Variants in SDK1 observed in about 807,000 individuals in gnomAD.
The protein encoded by SDK1 is protein sidekick-1.
Under a neutral mutation model 245.5 loss-of-function variants are expected in SDK1, and 157 were observed. The ratio of observed to expected loss-of-function variants is 0.64; its 90% CI spans 0.56 to 0.73. The LOEUF (loss-of-function observed/expected upper bound fraction) is 0.73, where lower values mean the gene tolerates loss of function less well. SDK1 is among the 30% of genes least tolerant of loss of function. SDK1 has a pLI of 0.00. For synonymous variants in SDK1, 1,647 were observed against 1,278.5 expected (o/e 1.29, Z -6.15); for missense variants, 3,583 against 3,002.3 (o/e 1.19, Z -4.52).
chr7:4,196,065 TG>T (rs1200271941), intron 35 of SDK1, among the ~76,000 whole-genome samples: 1 of 152,208 alleles, frequency 6.6e-6, no homozygotes, highest in Non-Finnish European at 1.5e-5. Flanking sequence ...GGACTTTTAC[TG>T]GAAGTATCGT....
intron 4 of SDK1, among the ~76,000 whole-genome samples, chr7:3,751,370 G>T (rs919039452): frequency 2.7e-5 from 4 of 150,368 alleles, no homozygotes; most frequent in African/African-American, 9.8e-5. Context: ...TTGCTGCTGC[G>T]TCGCCCTCTC....
chr7:3,716,422 C>T (rs1785202885), intron 4 of SDK1, among the ~76,000 whole-genome samples: 1 of 152,096 alleles, frequency 6.6e-6, no homozygotes, highest in Non-Finnish European at 1.5e-5. Flanking sequence ...AATCTGTCAA[C>T]CATGAATTCT....
chr7:3,426,399 G>C (rs886759059), intron 1 of SDK1, among the ~76,000 whole-genome samples: 6 of 152,184 alleles, frequency 3.9e-5, no homozygotes, highest in Non-Finnish European at 7.4e-5. Context: ...GGCTGGCCTT[G>C]TTCTAGCAGC....
At chr7:3,853,275 T>C (rs1780463153) in intron 5 of SDK1, among the ~76,000 whole-genome samples, 1 of 152,172 alleles carries the variant, frequency 6.6e-6, no homozygotes, top group African/African-American at 2.4e-5. Context: ...TAGTCCTAAG[T>C]GGATTCTGGA....
At position 3,633,165 on chromosome 7, in the gene SDK1, A is replaced by T. The variant is rs140295097; in HGVS notation, c.459-5839A>T. 3.5e-3 allele frequency among the ~76,000 whole-genome samples: 532 copies of T among 152,304 alleles called. 1 individual carries two copies. Among genetic ancestry groups the T allele is most frequent in the African/African-American group, 0.012 (502 of 41,570 alleles). ...TTGGTTGCTTATTTTCATGGAAAAT[A>T]GATATTTTCATACCAGCATAAAAAT... On this transcript the variant is annotated intron_variant, in intron 2 of 44. Coordinates refer to ENST00000404826, the MANE Select transcript of SDK1 (RefSeq NM_152744.4).
chr7:3,538,921 C>G (rs192477863), intron 1 of SDK1, among the ~76,000 whole-genome samples: 1 of 152,358 alleles, frequency 6.6e-6, no homozygotes, highest in Admixed American at 6.5e-5. Context: ...CAGACGGAAT[C>G]TTCTTGAAAG....
intron 1 of SDK1, among the ~76,000 whole-genome samples, chr7:3,414,743 T>A (rs1779314065): frequency 6.6e-6 from 1 of 152,204 alleles, no homozygotes; most frequent in Non-Finnish European, 1.5e-5. Flanking sequence ...CAATTCCTCC[T>A]ACTCCTCCAT....
chr7:3,890,317 G>A (rs1781430476), intron 5 of SDK1, among the ~76,000 whole-genome samples: 1 of 152,218 alleles, frequency 6.6e-6, no homozygotes, highest in Non-Finnish European at 1.5e-5. Context: ...CGTGCTATGT[G>A]TGAAATACAC....
chr7:4,077,167 C>G lies in SDK1; in HGVS notation c.3180C>G (p.Thr1060=), dbSNP rs371164504. The G allele has an allele frequency of 1.2e-6, 2 of 1,614,080 alleles. No individual in the cohort carries two copies. Among genetic ancestry groups the G allele is most frequent in the African/African-American group, 2.7e-5 (2 of 74,940 alleles). The stretch of plus-strand genomic sequence containing the variant: ...GCACTGGCCTGGTGACTTCATCCAC[C>G]ATTTCTTCTGGAGTGCCCCCAGGTC... ...AVGTGLVTSS[T]ISSGVPPDLP... is the part of the protein sequence containing the mutation. Residue 1060 remains threonine (T), a synonymous_variant, in exon 21 of 45, where the codon ACC becomes ACG. Transcript: ENST00000404826.
At chr7:3,578,396 G>T (rs911156521) in intron 1 of SDK1, among the ~76,000 whole-genome samples, 17 of 151,850 alleles carry the variant, frequency 1.1e-4, no homozygotes, top group Admixed American at 6.6e-5. Flanking sequence ...AGGCAAAACA[G>T]AACTACTGAT....
At chr7:3,497,911 G>C (rs1486061577) in intron 1 of SDK1, among the ~76,000 whole-genome samples, 2 of 152,164 alleles carry the variant, frequency 1.3e-5, no homozygotes, top group Non-Finnish European at 2.9e-5. Context: ...TGAGGTTAGG[G>C]AGTTTCTGGA....
At chr7:3,306,028 G>A (rs974784118) in intron 1 of SDK1, among the ~76,000 whole-genome samples, 1 of 152,148 alleles carries the variant, frequency 6.6e-6, no homozygotes, top group Non-Finnish European at 1.5e-5. Flanking sequence ...CATAACTTGA[G>A]TTCATAACCC....
At chr7:3,449,980 C>G (rs890390734) in intron 1 of SDK1, among the ~76,000 whole-genome samples, 2 of 152,012 alleles carry the variant, frequency 1.3e-5, no homozygotes, top group African/African-American at 4.8e-5. Context: ...GTTGGGGGGT[C>G]GACGAGACTT....
intron 1 of SDK1, among the ~76,000 whole-genome samples, chr7:3,609,885 G>C (rs948885235): frequency 1.3e-5 from 2 of 151,178 alleles, no homozygotes; most frequent in African/African-American, 2.4e-5. Context: ...GTTTTTAGTA[G>C]AGATGGGGTC....
chr7:4,116,908 C>T (rs1584191008), intron 25 of SDK1, among the ~76,000 whole-genome samples: 1 of 152,192 alleles, frequency 6.6e-6, no homozygotes, highest in South Asian at 2.1e-4. Context: ...CAGTGTCCCT[C>T]GGCTCTCCTT....
intron 35 of SDK1, among the ~76,000 whole-genome samples, chr7:4,180,885 C>T (rs1357035701): frequency 6.6e-6 from 1 of 152,194 alleles, no homozygotes; most frequent in Non-Finnish European, 1.5e-5. Flanking sequence ...CAGGCCCCAC[C>T]TGCACGTTGG....
intron 5 of SDK1, among the ~76,000 whole-genome samples, chr7:3,885,029 G>T (rs1010046293): frequency 4.8e-5 from 7 of 144,468 alleles, no homozygotes; most frequent in Admixed American, 2.7e-4. Flanking sequence ...TGTCTCCCCC[G>T]ACCCCCACCC....
At chr7:3,677,857 T>G (rs1783956469) in intron 4 of SDK1, among the ~76,000 whole-genome samples, 1 of 152,218 alleles carries the variant, frequency 6.6e-6, no homozygotes, top group African/African-American at 2.4e-5. Context: ...GATAACCAGC[T>G]GATTTTTTGA....
chr7:3,997,612 C>T lies in SDK1; in HGVS notation c.2131+10290C>T, dbSNP rs566040919. On this transcript the variant is annotated intron_variant, in intron 14 of 44. Coordinates refer to ENST00000404826, the MANE Select transcript of SDK1 (RefSeq NM_152744.4). ...GGGTAGCTCCTCTTTACAGCTGGTC[C>T]TCCTGTCATCTGCTCAGCTCTGGCT... Among the ~76,000 whole-genome samples, 106 of 152,306 alleles carry T rather than the reference C, an allele frequency of 7.0e-4. 1 individual carries two copies. The highest frequency in any genetic ancestry group is 2.5e-3 in the African/African-American group (103 of 41,560).
Sources: gnomAD v4.1 joint callset for allele counts (sites outside exome capture counted in the v4.1 genomes callset) on GRCh38, gnomAD v4.1.1 for gene constraint, MANE v1.5 for transcripts, NCBI Gene and HGNC (gene_info 2026-07-23, HGNC 2026-07-21) for gene names.